Variants in NXPE2 observed in about 807,000 individuals in gnomAD.
NXPE2 encodes NXPE family member 2.
A neutral mutation model predicts 34.4 loss-of-function variants in NXPE2; 34 were observed. That is an observed-to-expected ratio of 0.99 (90% CI 0.75 to 1.31). The LOEUF is 1.31. Ranked by LOEUF, NXPE2 falls within the 40% of genes most tolerant of loss-of-function variation. The pLI, the probability that NXPE2 is intolerant of heterozygous loss-of-function variation, is 0.00. For synonymous variants in NXPE2, 235 were observed against 231.3 expected, an observed-to-expected ratio of 1.02 and a Z score of -0.15; for missense variants, 649 against 672.5, an observed-to-expected ratio of 0.97 and a Z score of 0.39.
the NXPE2 span, among the ~76,000 whole-genome samples, chr11:114,787,353 G>T: frequency 6.6e-6 from 1 of 152,128 alleles, no homozygotes; most frequent in Non-Finnish European, 1.5e-5. Context: ...GGTGCCTGGT[G>T]CAGTTCCCTC....
the NXPE2 span, among the ~76,000 whole-genome samples, chr11:114,666,748 G>A: frequency 6.6e-6 from 1 of 152,056 alleles, no homozygotes; most frequent in South Asian, 2.1e-4. Context: ...GCTTTTATAA[G>A]GTAGAATATC....
At chr11:114,528,796 C>A in the NXPE2 span, 2 of 676,062 alleles carry the variant, frequency 3.0e-6, no homozygotes, top group South Asian at 1.6e-5. Flanking sequence ...TAAGTGGTAC[C>A]TGATTTCCTG....
chr11:114,805,975 CG>C, the NXPE2 span, among the ~76,000 whole-genome samples: 2 of 152,118 alleles, frequency 1.3e-5, no homozygotes, highest in Admixed American at 1.3e-4. Context: ...CTCACACTGC[CG>C]GGTACTCCTC....
chr11:114,554,205 T>C, the NXPE2 span: 1 of 982,804 alleles, frequency 1.0e-6, no homozygotes, highest in East Asian at 1.1e-4. Flanking sequence ...AACTTGTAGC[T>C]GGACATGTGT....
the NXPE2 span, chr11:114,528,013 GTTA>G: frequency 8.9e-5 from 59 of 661,966 alleles, no homozygotes; most frequent in Non-Finnish European, 1.3e-4. Context: ...ACTGGAAGCT[GTTA>G]TTATTGTTGT....
chr11:114,738,852 C>T, the NXPE2 span, among the ~76,000 whole-genome samples: 1 of 151,982 alleles, frequency 6.6e-6, no homozygotes, highest in Non-Finnish European at 1.5e-5. Context: ...TGGGATAGTC[C>T]CTACACATGC....
the NXPE2 span, among the ~76,000 whole-genome samples, chr11:114,469,350 C>T: frequency 8.0e-5 from 12 of 149,580 alleles, no homozygotes; most frequent in South Asian, 1.1e-3. Context: ...CTTGACCTTG[C>T]GATCCGCCTG....
At chr11:114,810,309 A>G in the NXPE2 span, among the ~76,000 whole-genome samples, 1 of 150,856 alleles carries the variant, frequency 6.6e-6, no homozygotes, top group African/African-American at 2.4e-5. Flanking sequence ...GAACACCAAA[A>G]GCAATGGCAA....
the NXPE2 span, among the ~76,000 whole-genome samples, chr11:114,495,581 G>A: frequency 1.3e-5 from 2 of 151,790 alleles, no homozygotes; most frequent in South Asian, 2.1e-4. Flanking sequence ...AGCAGAAGCA[G>A]TATCTTCCTA....
At chr11:114,793,942 GCTTTACCTTTGCCTGAATCCCA>G in the NXPE2 span, among the ~76,000 whole-genome samples, 1 of 151,964 alleles carries the variant, frequency 6.6e-6, no homozygotes, top group Non-Finnish European at 1.5e-5. Flanking sequence ...GGTTTCTTTG[GCTTTACCTTTGCCTGAATCCCA>G]CTTTACCTGG....
chr11:114,743,799 G>GTGTGTGTA, the NXPE2 span, among the ~76,000 whole-genome samples: 1 of 151,466 alleles, frequency 6.6e-6, no homozygotes, highest in African/African-American at 2.4e-5. Context: ...ATGTATATGT[G>GTGTGTGTA]TGTGTGTGTA....
chr11:114,684,752 T>C (rs753688414), intron 2 of NXPE2, among the ~76,000 whole-genome samples: 1 of 152,112 alleles, frequency 6.6e-6, no homozygotes, highest in East Asian at 1.9e-4. Context: ...TGAATGCATT[T>C]TAATTCATAT....
chr11:114,741,416 C>T, the NXPE2 span, among the ~76,000 whole-genome samples: 149 of 151,988 alleles, frequency 9.8e-4, no homozygotes, highest in Admixed American at 8.1e-3. Flanking sequence ...CTTTCTTCTC[C>T]TTTTTCTCTT....
the NXPE2 span, chr11:114,530,630 G>A: frequency 2.1e-5 from 34 of 1,613,998 alleles, no homozygotes; most frequent in Non-Finnish European, 2.6e-5. Context: ...GTCCCAAGTG[G>A]TCCCTCACCT....
the NXPE2 span, among the ~76,000 whole-genome samples, chr11:114,632,238 A>C: frequency 7.1e-6 from 1 of 140,468 alleles, no homozygotes; most frequent in African/African-American, 2.6e-5. Context: ...TATAATATAT[A>C]TGTATATGTG....
the NXPE2 span, among the ~76,000 whole-genome samples, chr11:114,646,546 T>C: frequency 1.3e-5 from 2 of 152,034 alleles, no homozygotes; most frequent in Non-Finnish European, 2.9e-5. Context: ...ATTATAAAAG[T>C]GAGTTATCAT....
the NXPE2 span, among the ~76,000 whole-genome samples, chr11:114,570,306 AAT>A: frequency 6.6e-6 from 1 of 152,158 alleles, no homozygotes; most frequent in African/African-American, 2.4e-5. Context: ...AAAGTCTTAA[AAT>A]GATCAACAGC....
chr11:114,600,713 C>G, the NXPE2 span, among the ~76,000 whole-genome samples: 2 of 151,658 alleles, frequency 1.3e-5, no homozygotes, highest in Admixed American at 6.6e-5. Context: ...CTAGTAAAAT[C>G]CAAAAAAAGT....
the NXPE2 span, among the ~76,000 whole-genome samples, chr11:114,725,913 T>C: frequency 6.7e-6 from 1 of 148,214 alleles, no homozygotes; most frequent in Non-Finnish European, 1.5e-5. Context: ...TGGCTTATGG[T>C]CCCTCTGGAC....
Sources: gnomAD v4.1 joint callset for allele counts (sites outside exome capture counted in the v4.1 genomes callset) on GRCh38, gnomAD v4.1.1 for gene constraint, MANE v1.5 for transcripts, NCBI Gene and HGNC (gene_info 2026-07-23, HGNC 2026-07-21) for gene names.